Variants in SZT2 observed in about 807,000 individuals in gnomAD.
SZT2 encodes the protein KICSTOR complex protein SZT2.
A neutral mutation model predicts 404.2 loss-of-function variants in SZT2; 216 were observed. The observed-to-expected ratio is 0.53, with a 90% CI of 0.48 to 0.60. The LOEUF (loss-of-function observed/expected upper bound fraction) is 0.60. SZT2 is among the 20% of genes least tolerant of loss of function. SZT2 has a pLI of 0.00. For synonymous variants in SZT2, 1,693 were observed against 1,749.9 expected (o/e 0.97, Z 0.81); for missense variants, 3,857 against 4,459.2 (o/e 0.86, Z 3.85).
At position 43,430,938 on chromosome 1, in the gene SZT2, C is replaced by T. The variant is rs981182388; in HGVS notation, c.4775-11C>T. On this transcript the variant is annotated splice_polypyrimidine_tract_variant and intron_variant, in intron 32 of 71. Coordinates refer to ENST00000634258, the MANE Select transcript of SZT2 (RefSeq NM_001365999.1). ...AGCCCTCAGCAACTGCTAACTTTCC[C>T]CCTCTCCCAGGCCAGGTGCTTTCCA... The T allele has an allele frequency of 3.7e-6, 6 of 1,607,264 alleles. No homozygotes were observed. Among genetic ancestry groups the T allele is most frequent in the South Asian group, 2.2e-5 (2 of 90,088 alleles).
intron 65 of SZT2, 75 bp from the exon 66 acceptor site, chr1:43,446,880 C>A: frequency 6.8e-7 from 1 of 1,469,024 alleles, no homozygotes; most frequent in Non-Finnish European, 9.3e-7. Context: ...CTTCTTCCCA[C>A]GGAAGGAGGG....
At chr1:43,411,033 G>A (rs184821675) in intron 4 of SZT2, among the ~76,000 whole-genome samples, 1 of 152,332 alleles carries the variant, frequency 6.6e-6, no homozygotes, top group African/African-American at 2.4e-5. Flanking sequence ...GACTCTGGCA[G>A]CTGAATTGGT....
At chr1:43,431,222 G>A (rs1653829035) in intron 33 of SZT2, 43 bp from the exon 34 acceptor site, 1 of 1,565,078 alleles carries the variant, frequency 6.4e-7, no homozygotes, top group Non-Finnish European at 8.7e-7. Context: ...GGCCCTGGTA[G>A]GATAGTAACT....
In SZT2 at chr1:43,431,230, A is replaced by G. The variant is rs918282613; in HGVS notation, c.4917-35A>G. ...AGGAGGAGGCCCTGGTAGGATAGTA[A>G]CTCCTGACCTTTGACTTGTTCCCAC... On this transcript the variant is annotated intron_variant, in intron 33 of 71. Coordinates refer to ENST00000634258, the MANE Select transcript of SZT2 (RefSeq NM_001365999.1). 3.2e-6 allele frequency: 5 copies of G among 1,569,340 alleles called. No homozygotes were observed. The African/African-American group carries it at 5.5e-5, about 17-fold the overall frequency.
Position 43,434,436 on chromosome 1 carries a change from A to G in SZT2, c.5855A>G (p.Gln1952Arg), listed in dbSNP as rs1462488492. ...GGPGTECRHL[Q>R]QLLVRRVGEI... ...CCGGGCACTGAGTGTCGCCACCTGC[A>G]GCAGCTCCTGGTGAGGCGAGTTGGG... Residue 1952 changes from glutamine to arginine, a missense_variant, in exon 41 of 72, where the codon CAG becomes CGG. By Grantham distance (43) the Gln-to-Arg change is conservative. This residue lies in a region of SZT2 where 1,725 missense variants were observed against 1,881.0 expected (regional missense o/e 0.92). Transcript: ENST00000634258. The G allele has an allele frequency of 1.9e-6, 3 of 1,599,730 alleles. No homozygotes were observed. The highest frequency in any genetic ancestry group is 1.1e-5 in the South Asian group (1 of 87,350).
At position 43,441,491 on chromosome 1, in the gene SZT2, C is replaced by T. The variant is rs1363036563; in HGVS notation, c.7512-13C>T. ...ATGTATGGACATGAGGCTCTTACTC[C>T]CACTGTCTTCAGGCGCCGGACAACA... On this transcript the variant is annotated splice_polypyrimidine_tract_variant and intron_variant, in intron 53 of 71. Transcript: ENST00000634258. The surrounding 1 kb of genome is among the most constrained non-coding windows in gnomAD (Gnocchi z 4.8). The T allele has an allele frequency of 6.2e-7, 1 of 1,612,306 alleles. No homozygotes were observed.
Position 43,439,142 on chromosome 1 carries a change from T to TGCCCCAC in SZT2, c.6792+52_6792+58dup, listed in dbSNP as rs1249604467. 3.2e-5 allele frequency: 52 copies of TGCCCCAC among 1,610,064 alleles called. No individual in the cohort carries two copies. The highest frequency in any genetic ancestry group is 4.3e-5 in the Non-Finnish European group (51 of 1,177,462). ...CACACTCATGTGCACCCCTGCCCCCTGCCCCACGCACTTACTCTTTCCTAC... is the reference window on the plus strand; with the variant it reads ...CACACTCATGTGCACCCCTGCCCCCTGCCCCACGCCCCACGCACTTACTCTTTCCTAC... On this transcript the variant is annotated intron_variant, in intron 48 of 71. Transcript: ENST00000634258. The surrounding 1 kb of genome is among the most constrained non-coding windows in gnomAD (Gnocchi z 4.2).
chr1:43,439,539 T>TG lies in SZT2; in HGVS notation c.6878-64dup. The TG allele has an allele frequency of 6.2e-7, 1 of 1,605,764 alleles. No homozygotes were observed. Among genetic ancestry groups the TG allele is most frequent in the South Asian group, 1.1e-5 (1 of 90,074 alleles). On this transcript the variant is annotated intron_variant, in intron 49 of 71. Coordinates refer to ENST00000634258, the MANE Select transcript of SZT2 (RefSeq NM_001365999.1). The surrounding 1 kb of genome is among the most constrained non-coding windows in gnomAD (Gnocchi z 4.2). ...GACATTTCCCAGGCTTGCAGCTGAG[T>TG]GGAGGGTCGTGGGAGGGGTGGTCTG...
intron 30 of SZT2, 94 bp downstream of exon 30, chr1:43,430,197 CT>C: frequency 6.4e-7 from 1 of 1,572,488 alleles, no homozygotes; most frequent in Non-Finnish European, 8.7e-7. Context: ...CTGGATGTGG[CT>C]CTTGTCTTGC....
Position 43,426,122 on chromosome 1 carries a change from T to C in SZT2, c.3014T>C (p.Leu1005Pro), listed in dbSNP as rs765107265. The C allele has an allele frequency of 1.9e-6, 3 of 1,614,044 alleles. No homozygotes were observed. The Admixed American group carries it at 5.0e-5, about 27-fold the overall frequency. ...LMGLLPQCQQ[L>P]QMFFLLLARE... ...GGATTGCTGCCACAGTGCCAGCAGC[T>C]CCAGATGTTCTTCCTCTTGCTTGCC... The change falls in exon 21 of 72, where the codon CTC becomes CCC. Residue 1005 changes from leucine (L) to proline (P), a missense_variant. Coordinates refer to ENST00000634258, the MANE Select transcript of SZT2 (RefSeq NM_001365999.1). This position sits in a 1 kb window ranked among gnomAD's most constrained non-coding sequence, Gnocchi z 4.9.
At chr1:43,446,803 C>T (rs1372679127) in intron 65 of SZT2, 152 bp from the exon 66 acceptor site, 4 of 756,194 alleles carry the variant, frequency 5.3e-6, no homozygotes, top group Non-Finnish European at 8.5e-6. Context: ...AATGGGGAGG[C>T]CTTCCCACAG....
chr1:43,442,075 G>A lies in SZT2; in HGVS notation c.7818G>A (p.Arg2606=). Residue 2606 remains arginine (R), a synonymous_variant, in exon 56 of 72, where the codon CGG becomes CGA. Transcript: ENST00000634258. This position sits in a 1 kb window ranked among gnomAD's most constrained non-coding sequence, Gnocchi z 4.5. ...CCTCTCCCCGCCCTGCAGCTGAGCG[G>A]CATCTGCTGCTTCTGGGAAGGAACT... ...LGPSPRPAAE[R]HLLLLGRNFL... The A allele has an allele frequency of 6.2e-7, 1 of 1,613,578 alleles. No homozygotes were observed. The highest frequency in any genetic ancestry group is 8.5e-7 in the Non-Finnish European group (1 of 1,179,810).
At chr1:43,392,939 A>G (rs544749511) in intron 1 of SZT2, among the ~76,000 whole-genome samples, 21 of 152,354 alleles carry the variant, frequency 1.4e-4, no homozygotes, top group Admixed American at 1.3e-3. Flanking sequence ...TGTGCTAAGT[A>G]TCAGGGTGGA....
Position 43,404,503 on chromosome 1 carries a change from G to T in SZT2, c.451G>T (p.Val151Leu), listed in dbSNP as rs1248749815. The change falls in exon 4 of 72, where the codon GTA (valine) becomes TTA (leucine). Residue 151 changes from valine (V) to leucine (L), a missense_variant. This residue lies in a region of SZT2 where 536 missense variants were observed against 637.4 expected (regional missense o/e 0.84). Transcript: ENST00000634258. ...CATCGACTTCCAGCCTGAGATCTAT[G>T]TAACTATCCAGGCCTACTCCTCCAT... ...SCIDFQPEIYVTIQAYSSIIG... is the reference protein window; with the variant it reads ...SCIDFQPEIYLTIQAYSSIIG... The T allele has an allele frequency of 1.2e-6, 2 of 1,613,858 alleles. No individual in the cohort carries two copies. Among genetic ancestry groups the T allele is most frequent in the African/African-American group, 2.7e-5 (2 of 74,916 alleles).
At chr1:43,402,641 C>A (rs1649815007) in intron 1 of SZT2, among the ~76,000 whole-genome samples, 2 of 152,164 alleles carry the variant, frequency 1.3e-5, no homozygotes, top group Admixed American at 1.3e-4. Flanking sequence ...GAGGCAAGAA[C>A]TAGAGGGCTG....
At chr1:43,433,795 T>A (rs1344371563) in intron 40 of SZT2, among the ~76,000 whole-genome samples, 1 of 152,200 alleles carries the variant, frequency 6.6e-6, no homozygotes, top group African/African-American at 2.4e-5. Flanking sequence ...TAATAAGGCA[T>A]AATAGCTAAT....
chr1:43,424,795 C>A lies in SZT2; in HGVS notation c.2483C>A (p.Ser828Tyr). Residue 828 changes from serine (S) to tyrosine (Y), a missense_variant, in exon 17 of 72, where the codon TCT becomes TAT. By Grantham distance (144) the Ser-to-Tyr change is moderately radical (BLOSUM62 -2). This residue lies in a region of SZT2 where 1,725 missense variants were observed against 1,881.0 expected (regional missense o/e 0.92). Coordinates refer to ENST00000634258, the MANE Select transcript of SZT2 (RefSeq NM_001365999.1). The surrounding 1 kb of genome is among the most constrained non-coding windows in gnomAD (Gnocchi z 4.1). Reference sequence around the variant, plus strand: ...TTATGGGGCTTCAGAGTCCGACTTTCTGAAGGATTCCACTTCGCCTGCAGT... The same window carrying A: ...TTATGGGGCTTCAGAGTCCGACTTTATGAAGGATTCCACTTCGCCTGCAGT... Reference protein sequence around the residue: ...LLSILTEVRLSEGFHFACSGE... With the variant: ...LLSILTEVRLYEGFHFACSGE... 1.9e-6 allele frequency: 3 copies of A among 1,614,120 alleles called. No individual in the cohort carries two copies. The highest frequency in any genetic ancestry group is 2.5e-6 in the Non-Finnish European group (3 of 1,179,960).
Position 43,442,109 on chromosome 1 carries a change from TGGA to T in SZT2, c.7857_7859del (p.Arg2620del). The T allele has an allele frequency of 1.3e-6, 2 of 1,555,712 alleles. No homozygotes were observed. Among genetic ancestry groups the T allele is most frequent in the South Asian group, 1.1e-5 (1 of 89,958 alleles). ...GCTTCTGGGAAGGAACTTCTTGCAG[TGGA>T]GGAGACCAACACAGCAGGGTGAGGG... is the stretch of plus-strand genomic sequence containing the variant. On this transcript the variant is annotated inframe_deletion, in exon 56 of 72. Coordinates refer to ENST00000634258, the MANE Select transcript of SZT2 (RefSeq NM_001365999.1). The surrounding 1 kb of genome is among the most constrained non-coding windows in gnomAD (Gnocchi z 4.5).
In SZT2 at chr1:43,439,202, G is replaced by A; in HGVS notation, c.6792+109G>A. 1.9e-6 allele frequency: 3 copies of A among 1,559,058 alleles called. No individual in the cohort carries two copies. In the Admixed American group the frequency reaches 5.1e-5, roughly 26 times the overall value. Reference sequence around the variant, plus strand: ...TATATGTACCTTTGCCCATGGACCTGGGTACACCCATGCCCCCCCGGGGAC... The same window carrying A: ...TATATGTACCTTTGCCCATGGACCTAGGTACACCCATGCCCCCCCGGGGAC... On this transcript the variant is annotated intron_variant, in intron 48 of 71. Transcript: ENST00000634258. The surrounding 1 kb of genome is among the most constrained non-coding windows in gnomAD (Gnocchi z 4.2).
Sources: allele counts gnomAD v4.1 joint callset (sites outside exome capture counted in the v4.1 genomes callset), GRCh38; gene constraint gnomAD v4.1.1; regional missense constraint gnomAD v4.1.1; non-coding constraint Gnocchi (gnomAD v3.1); transcripts MANE v1.5; gene names NCBI Gene and HGNC (gene_info 2026-07-23, HGNC 2026-07-21).